Variants in PAFAH1B2 observed in about 807,000 individuals in gnomAD.
The protein encoded by PAFAH1B2 is platelet activating factor acetylhydrolase 1b catalytic subunit 2.
PAFAH1B2 carries 8 observed loss-of-function variants against 28.0 expected under a neutral mutation model. The ratio of observed to expected loss-of-function variants is 0.29; its 90% CI spans 0.17 to 0.52. PAFAH1B2 has a LOEUF of 0.52. PAFAH1B2 is among the 20% of genes least tolerant of loss of function. The probability of loss-of-function intolerance (pLI) is 0.97; values close to 1 mark genes in which losing one functional copy is unlikely to be tolerated. For missense variants in PAFAH1B2, 190 were observed against 282.6 expected, an observed-to-expected ratio of 0.67 and a Z score of 2.35; for synonymous variants, 104 against 103.2, an observed-to-expected ratio of 1.01 and a Z score of -0.05.
Position 117,168,163 on chromosome 11 carries a change from A to G in PAFAH1B2, c.*464A>G, listed in dbSNP as rs1321277617. On this transcript the variant is annotated 3_prime_UTR_variant, in exon 6 of 6. Coordinates refer to ENST00000527958, the MANE Select transcript of PAFAH1B2 (RefSeq NM_002572.4). Reference sequence around the variant, plus strand: ...AGCCTTTTGTTTTTATGTTGCTTAGATTCTTATGTATACTGAATATTTTAT... The same window carrying G: ...AGCCTTTTGTTTTTATGTTGCTTAGGTTCTTATGTATACTGAATATTTTAT... The G allele has an allele frequency of 3.8e-6, 4 of 1,049,494 alleles. No individual in the cohort carries two copies. The highest frequency in any genetic ancestry group is 4.6e-6 in the Non-Finnish European group (4 of 867,294). The allele number at this position is 1,049,494 out of a possible 1,614,324, so 65.0% of individuals were successfully genotyped here.
At position 117,167,735 on chromosome 11, in the gene PAFAH1B2, C is replaced by T. The variant is rs1258921326; in HGVS notation, c.*36C>T. On this transcript the variant is annotated 3_prime_UTR_variant, in exon 6 of 6. Transcript: ENST00000527958. ...TCAGTGTTAATAGCATCTCAGCTTCCTCAGATCAGTTCTATCACTGGCACT... is the reference window on the plus strand; with the variant it reads ...TCAGTGTTAATAGCATCTCAGCTTCTTCAGATCAGTTCTATCACTGGCACT... The T allele has an allele frequency of 6.8e-7, 1 of 1,480,818 alleles. No homozygotes were observed. The highest frequency in any genetic ancestry group is 2.3e-5 in the Admixed American group (1 of 44,142). The allele number at this position is 1,480,818 out of a possible 1,614,324, so 91.7% of individuals were successfully genotyped here.
chr11:117,166,722 C>T (rs1956519691), intron 5 of PAFAH1B2, among the ~76,000 whole-genome samples: 1 of 152,146 alleles, frequency 6.6e-6, no homozygotes, highest in African/African-American at 2.4e-5. Flanking sequence ...ATTCATTCCA[C>T]CTCTTTTTCT....
At chr11:117,160,779 C>CTT (rs113638567) in intron 3 of PAFAH1B2, among the ~76,000 whole-genome samples, 159 of 143,046 alleles carry the variant, frequency 1.1e-3, no homozygotes, top group Non-Finnish European at 1.7e-3. Flanking sequence ...TAAAAGATAG[C>CTT]TTTTTTTTTT....
chr11:117,149,429 C>CCTTTTTTTTTTTTTT (rs1565260556), intron 1 of PAFAH1B2, among the ~76,000 whole-genome samples: 3 of 33,516 alleles, frequency 9.0e-5, no homozygotes, highest in Non-Finnish European at 2.3e-4. Flanking sequence ...GTTTTCTAAT[C>CCTTTTTTTTTTTTTT]GTTTTTTTTT....
intron 4 of PAFAH1B2, among the ~76,000 whole-genome samples, chr11:117,163,546 G>C (rs1401682556): frequency 6.6e-6 from 1 of 152,096 alleles, no homozygotes; most frequent in South Asian, 2.1e-4. Context: ...GGCGGCACAT[G>C]CCTGTAGTCC....
downstream of PAFAH1B2, chr11:117,175,066 C>A: frequency 7.7e-7 from 1 of 1,300,468 alleles, no homozygotes; most frequent in Non-Finnish European, 9.8e-7. Flanking sequence ...GGTCCCATTT[C>A]TTTGGTCCAT....
At chr11:117,175,771 A>C, downstream of PAFAH1B2, 2 of 1,100,006 alleles carry the variant, frequency 1.8e-6, no homozygotes, top group South Asian at 3.2e-5. Flanking sequence ...ATCTTGCCCC[A>C]AAGTTATGAG....
exon 6 of PAFAH1B2, chr11:117,176,153 T>G (rs2029970786): frequency 3.5e-6 from 2 of 575,196 alleles, no homozygotes; most frequent in Non-Finnish European, 6.2e-6. Flanking sequence ...TGAGCGTCAC[T>G]TTCCTCATCT....
Position 117,149,642 on chromosome 11 carries a change from C to G in PAFAH1B2, c.-7-2799C>G, listed in dbSNP as rs562142488. Among the ~76,000 whole-genome samples the G allele has an allele frequency of 6.7e-5, 10 of 149,046 alleles. No individual in the cohort carries two copies. In the South Asian group the frequency reaches 1.9e-3, roughly 29 times the overall value. On this transcript the variant is annotated intron_variant, in intron 1 of 5. Transcript: ENST00000527958. ...AGATACGGGGTTTCACCATGTTAGC[C>G]AGGATGGTCTCGATCTCCTGACCTC... is the stretch of plus-strand genomic sequence containing the variant.
Position 117,169,563 on chromosome 11 carries a change from T to G in PAFAH1B2, c.*1864T>G. 9.5e-7 allele frequency: 1 copy of G among 1,055,344 alleles called. No homozygotes were observed. The allele number at this position is 1,055,344 out of a possible 1,614,324, so 65.4% of individuals were successfully genotyped here. On this transcript the variant is annotated 3_prime_UTR_variant, in exon 6 of 6. Coordinates refer to ENST00000527958, the MANE Select transcript of PAFAH1B2 (RefSeq NM_002572.4). ...GAACCTTGGGCTCATTTTTTTCTTG[T>G]GAAGTCTCTTTCTAGAAAATTTTTT...
Position 117,168,074 on chromosome 11 carries a change from T to A in PAFAH1B2, c.*375T>A. 1 of 1,057,636 alleles carries A rather than the reference T, an allele frequency of 9.5e-7. No individual in the cohort carries two copies. The highest frequency in any genetic ancestry group is 1.1e-6 in the Non-Finnish European group (1 of 873,476). 65.5% of individuals were successfully genotyped at this position (1,057,636 alleles called of 1,614,324 possible). A position where few individuals can be genotyped will look rare whatever the true frequency, so the allele number is the denominator to read the frequency against. The stretch of plus-strand genomic sequence containing the variant: ...TGTGGATTATGTCATATATAATAAT[T>A]ATCAGAATCATTCTACTTGGCTTTA... On this transcript the variant is annotated 3_prime_UTR_variant, in exon 6 of 6. Transcript: ENST00000527958.
chr11:117,173,892 T>C (rs577867011), downstream of PAFAH1B2, among the ~76,000 whole-genome samples: 7 of 152,350 alleles, frequency 4.6e-5, no homozygotes, highest in South Asian at 1.4e-3. Flanking sequence ...CAATTCTTTC[T>C]AAGCACCAAA....
intron 3 of PAFAH1B2, 104 bp downstream of exon 3, chr11:117,160,127 G>A (rs984404759): frequency 1.2e-6 from 1 of 832,538 alleles, no homozygotes; most frequent in Non-Finnish European, 2.1e-6. Context: ...GTGACTCTTA[G>A]AGAAGCCCTA....
chr11:117,175,149 C>A, downstream of PAFAH1B2: 1 of 1,185,534 alleles, frequency 8.4e-7, no homozygotes, highest in South Asian at 3.4e-5. Context: ...CCCACCCTGA[C>A]CGCTTGAGGG....
Position 117,170,398 on chromosome 11 carries a change from A to G in PAFAH1B2, c.*2699A>G. 3 of 1,058,592 alleles carry G rather than the reference A, an allele frequency of 2.8e-6. No individual in the cohort carries two copies. Among genetic ancestry groups the G allele is most frequent in the Non-Finnish European group, 3.4e-6 (3 of 876,440 alleles). The allele number at this position is 1,058,592 out of a possible 1,614,324, so 65.6% of individuals were successfully genotyped here. ...TGGAACTATAAAGATGTCTGTGGTCATATGTTGAATGTGGCAGCTTGAAGA... is the reference window on the plus strand; with the variant it reads ...TGGAACTATAAAGATGTCTGTGGTCGTATGTTGAATGTGGCAGCTTGAAGA... On this transcript the variant is annotated 3_prime_UTR_variant, in exon 6 of 6. Coordinates refer to ENST00000527958, the MANE Select transcript of PAFAH1B2 (RefSeq NM_002572.4).
At chr11:117,164,041 CT>C in intron 5 of PAFAH1B2, 149 bp downstream of exon 5, 2 of 741,250 alleles carry the variant, frequency 2.7e-6, no homozygotes, top group Non-Finnish European at 4.5e-6. Flanking sequence ...ATGTATTTTA[CT>C]GTCTTACTGG....
intron 1 of PAFAH1B2, among the ~76,000 whole-genome samples, chr11:117,150,891 G>A (rs555993144): frequency 6.4e-4 from 97 of 151,866 alleles, no homozygotes; most frequent in Middle Eastern, 3.4e-3. Flanking sequence ...GGGAGGCTGA[G>A]GCAGGAGAAT....
intron 2 of PAFAH1B2, chr11:117,159,706 G>T: frequency 2.2e-6 from 1 of 461,810 alleles, no homozygotes; most frequent in East Asian, 3.4e-5. Flanking sequence ...CTGTACTCCA[G>T]CCTGGGTGAG....
At chr11:117,154,436 G>A (rs898699950) in intron 2 of PAFAH1B2, among the ~76,000 whole-genome samples, 1 of 152,154 alleles carries the variant, frequency 6.6e-6, no homozygotes, top group Middle Eastern at 3.4e-3. Flanking sequence ...AATTTTTTTG[G>A]AGACAGAATC....
Sources: allele counts gnomAD v4.1 joint callset (sites outside exome capture counted in the v4.1 genomes callset), GRCh38; gene constraint gnomAD v4.1.1; transcripts MANE v1.5; gene names NCBI Gene and HGNC (gene_info 2026-07-23, HGNC 2026-07-21).